Variants in ADAMTSL1 observed in about 807,000 individuals in gnomAD.
ADAMTSL1 encodes the protein ADAMTS like 1.
A neutral mutation model predicts 201.8 loss-of-function variants in ADAMTSL1; 126 were observed. The observed-to-expected ratio is 0.62, with a 90% confidence interval of 0.54 to 0.72. ADAMTSL1 has a LOEUF of 0.72. Among genes scored for constraint, ADAMTSL1 ranks in the 30% least tolerant of loss-of-function variants. The pLI, the probability that ADAMTSL1 is intolerant of heterozygous loss-of-function variation, is 0.00. For missense variants in ADAMTSL1, 2,679 were observed against 2,277.8 expected, an observed-to-expected ratio of 1.18 and a Z score of -3.59; for synonymous variants, 1,121 against 903.4, an observed-to-expected ratio of 1.24 and a Z score of -4.32.
chr9:18,342,043 T>A (rs961985854), intron 2 of ADAMTSL1, among the ~76,000 whole-genome samples: 6 of 152,176 alleles, frequency 3.9e-5, no homozygotes, highest in African/African-American at 1.4e-4. Flanking sequence ...ATTTATTATA[T>A]GACCAAATAA....
At chr9:18,904,187 G>A (rs1289324760) in intron 26 of ADAMTSL1, among the ~76,000 whole-genome samples, 1 of 152,026 alleles carries the variant, frequency 6.6e-6, no homozygotes, top group East Asian at 1.9e-4. Flanking sequence ...GTTATTTTTT[G>A]GCCAGGCACG....
intron 2 of ADAMTSL1, among the ~76,000 whole-genome samples, chr9:18,174,559 C>T (rs1242310789): frequency 1.3e-5 from 2 of 152,106 alleles, no homozygotes; most frequent in Non-Finnish European, 2.9e-5. Flanking sequence ...CCTTTTGATA[C>T]AGCACACCCT....
At chr9:18,573,282 C>T (rs1822458209) in intron 3 of ADAMTSL1, 1 of 154,648 alleles carries the variant, frequency 6.5e-6, no homozygotes, top group Non-Finnish European at 1.5e-5. Context: ...AGTTCGTGAA[C>T]TTCTCACAAC....
chr9:18,217,874 G>A (rs1262423893), intron 2 of ADAMTSL1, among the ~76,000 whole-genome samples: 1 of 151,126 alleles, frequency 6.6e-6, no homozygotes, highest in Admixed American at 6.6e-5. Context: ...TCTGTGCCTT[G>A]AGGCAATGTA....
At chr9:18,083,253 G>A (rs1302721151) in intron 1 of ADAMTSL1, among the ~76,000 whole-genome samples, 4 of 152,202 alleles carry the variant, frequency 2.6e-5, no homozygotes, top group African/African-American at 7.2e-5. Context: ...AAAGATGATG[G>A]TAAGTAGGTT....
rs573566265 is a variant in ADAMTSL1 at position 18,200,585 on chromosome 9, AC to A, written c.207+36605del. ...CATGGGTTATTATATGCATCCTTTG[AC>A]TTTGAATGGCTGCCATAATTGTTTA... is the stretch of plus-strand genomic sequence containing the variant. On this transcript the variant is annotated intron_variant, in intron 2 of 29. Coordinates refer to the ADAMTSL1 transcript ENST00000680146. Among the ~76,000 whole-genome samples the A allele has an allele frequency of 1.5e-4, 23 of 152,094 alleles. No individual in the cohort carries two copies. In the East Asian group the frequency reaches 4.5e-3, roughly 29 times the overall value.
chr9:17,968,574 G>A (rs1278835241), intron 1 of ADAMTSL1, among the ~76,000 whole-genome samples: 1 of 152,014 alleles, frequency 6.6e-6, no homozygotes, highest in Non-Finnish European at 1.5e-5. Context: ...TCTTAGGTTG[G>A]CACCATTGGC....
chr9:18,773,166 A>G (rs113202311), intron 17 of ADAMTSL1, among the ~76,000 whole-genome samples: 5 of 152,280 alleles, frequency 3.3e-5, no homozygotes, highest in African/African-American at 1.2e-4. Context: ...GGTGTTTTTC[A>G]TCCTCCACTA....
At position 18,273,157 on chromosome 9, in the gene ADAMTSL1, G is replaced by A. The variant is rs539255142; in HGVS notation, c.207+109176G>A. The stretch of plus-strand genomic sequence containing the variant: ...TGTGGTGGTGTGATCTTGGCTCACT[G>A]CAACCTCTCCCTCCCAGGTTCAAGT... On this transcript the variant is annotated intron_variant, in intron 2 of 29. Coordinates refer to the ADAMTSL1 transcript ENST00000680146. 1.6e-4 allele frequency among the ~76,000 whole-genome samples: 24 copies of A among 152,258 alleles called. No homozygotes were observed. The South Asian group carries it at 5.0e-3, about 32-fold the overall frequency.
chr9:18,354,492 T>C (rs1836121343), intron 2 of ADAMTSL1, among the ~76,000 whole-genome samples: 2 of 152,168 alleles, frequency 1.3e-5, no homozygotes, highest in Non-Finnish European at 2.9e-5. Context: ...TGAGAATCCA[T>C]TTCTCCTGAC....
At chr9:18,409,627 T>G (rs1818349387) in intron 2 of ADAMTSL1, among the ~76,000 whole-genome samples, 1 of 151,032 alleles carries the variant, frequency 6.6e-6, no homozygotes. Context: ...TTAAACTGTT[T>G]TTTTGTGTTC....
At chr9:18,151,537 G>A (rs76810776) in intron 1 of ADAMTSL1, among the ~76,000 whole-genome samples, 2,004 of 151,868 alleles carry the variant, frequency 0.013, 43 homozygotes, top group African/African-American at 0.047. Flanking sequence ...AAGATAAGGG[G>A]CTGAATTCCA....
chr9:18,359,556 C>A (rs936060477), intron 2 of ADAMTSL1, among the ~76,000 whole-genome samples: 2 of 152,150 alleles, frequency 1.3e-5, no homozygotes, highest in Non-Finnish European at 2.9e-5. Flanking sequence ...TGCCAGTGTT[C>A]ATAGCTTCCC....
intron 1 of ADAMTSL1, among the ~76,000 whole-genome samples, chr9:17,950,642 T>C (rs763488618): frequency 6.6e-6 from 1 of 152,072 alleles, no homozygotes; most frequent in African/African-American, 2.4e-5. Context: ...TCATGAATTT[T>C]AATGGTTGTA....
chr9:18,559,967 G>A (rs1460162922), intron 3 of ADAMTSL1, among the ~76,000 whole-genome samples: 1 of 152,144 alleles, frequency 6.6e-6, no homozygotes, highest in South Asian at 2.1e-4. Flanking sequence ...GAGACAATTT[G>A]ACTTCCCCTT....
At chr9:18,584,124 G>C (rs1010175222) in intron 4 of ADAMTSL1, among the ~76,000 whole-genome samples, 2 of 152,102 alleles carry the variant, frequency 1.3e-5, no homozygotes, top group East Asian at 3.9e-4. Flanking sequence ...GATGTGTTTT[G>C]GCTGTGTCCC....
rs201548853 is a variant in ADAMTSL1 at position 18,645,865 on chromosome 9, G to A, written c.834+6454G>A. Among the ~76,000 whole-genome samples the A allele has an allele frequency of 1.3e-4, 15 of 115,106 alleles. 1 individual carries two copies. The East Asian group carries it at 2.3e-3, about 18-fold the overall frequency. 75.5% of individuals were successfully genotyped at this position (115,106 alleles called of 152,430 possible). ...TCTTTTGGCTTAGGATTGACTTGGC[G>A]ATGTGGGCTCTTTTTTGGTTCCATA... On this transcript the variant is annotated intron_variant, in intron 7 of 28. Transcript: ENST00000380548.
chr9:18,275,087 C>G (rs560140232), intron 2 of ADAMTSL1, among the ~76,000 whole-genome samples: 2 of 152,184 alleles, frequency 1.3e-5, no homozygotes, highest in East Asian at 3.9e-4. Flanking sequence ...TTTTGTCCAT[C>G]TGGGCAAAAT....
intron 1 of ADAMTSL1, among the ~76,000 whole-genome samples, chr9:17,916,564 A>G (rs1164438071): frequency 6.6e-6 from 1 of 152,162 alleles, no homozygotes; most frequent in Non-Finnish European, 1.5e-5. Flanking sequence ...GACTTTTTGC[A>G]AAGACCATCC....
Sources: allele counts gnomAD v4.1 joint callset (sites outside exome capture counted in the v4.1 genomes callset), GRCh38; gene constraint gnomAD v4.1.1; transcripts MANE v1.5; gene names NCBI Gene and HGNC (gene_info 2026-07-23, HGNC 2026-07-21).